Variants in ADAP1 observed in about 807,000 individuals in gnomAD.
ADAP1 encodes arf-GAP with dual PH domain-containing protein 1.
Under a neutral mutation model 54.9 loss-of-function variants are expected in ADAP1, and 31 were observed. That is an observed-to-expected ratio of 0.56 (90% CI 0.42 to 0.76). The LOEUF (loss-of-function observed/expected upper bound fraction) is 0.76. Ranked by LOEUF, ADAP1 falls within the 30% of genes least tolerant of loss-of-function variation. The probability of loss-of-function intolerance (pLI) is 0.00; values close to 1 mark genes in which losing one functional copy is unlikely to be tolerated. For missense variants in ADAP1, 535 were observed against 512.4 expected, an observed-to-expected ratio of 1.04 and a Z score of -0.42; for synonymous variants, 313 against 202.6, an observed-to-expected ratio of 1.55 and a Z score of -4.63.
chr7:921,603 C>T (rs959708361), intron 3 of ADAP1, among the ~76,000 whole-genome samples: 4 of 152,234 alleles, frequency 2.6e-5, no homozygotes, highest in Non-Finnish European at 2.9e-5. Context: ...GTGTGAGCCT[C>T]GCGTCCGGCC....
rs201121106 is a variant in ADAP1 at position 898,933 on chromosome 7, C to T, written c.1113G>A (p.Lys371=). Residue 371 remains lysine (K), a synonymous_variant, in exon 11 of 11, where the codon AAG becomes AAA. Coordinates refer to ENST00000265846, the MANE Select transcript of ADAP1 (RefSeq NM_006869.4). The part of the protein sequence containing the change: ...PQEYAVEAHF[K]HKP The stretch of plus-strand genomic sequence containing the variant: ...CCAGCCGCACTCGCTAAGGTTTATG[C>T]TTGAAGTGCGCCTCCACTGCAACGG... The T allele has an allele frequency of 1.9e-6, 3 of 1,608,936 alleles. No individual in the cohort carries two copies. The highest frequency in any genetic ancestry group is 2.5e-6 in the Non-Finnish European group (3 of 1,178,128).
intron 7 of ADAP1, 60 bp downstream of exon 7, chr7:900,473 T>TGCACC: frequency 1.3e-6 from 2 of 1,486,586 alleles, no homozygotes; most frequent in Non-Finnish European, 1.8e-6. Flanking sequence ...GAGGGCTCCG[T>TGCACC]CCACCCCCCA....
chr7:914,373 G>A (rs1583151060), intron 4 of ADAP1, among the ~76,000 whole-genome samples: 1 of 152,336 alleles, frequency 6.6e-6, no homozygotes, highest in African/African-American at 2.4e-5. Context: ...AAGGGCTCTG[G>A]TGGCAAAGCC....
intron 2 of ADAP1, chr7:927,238 G>T: frequency 2.4e-6 from 3 of 1,262,244 alleles, no homozygotes; most frequent in Non-Finnish European, 3.1e-6. Context: ...AGGAGGGGAG[G>T]TGCTGCAGGA....
At chr7:932,405 G>A (rs552558935) in intron 2 of ADAP1, among the ~76,000 whole-genome samples, 2 of 152,106 alleles carry the variant, frequency 1.3e-5, no homozygotes, top group Non-Finnish European at 2.9e-5. Flanking sequence ...CCCTTGCCCC[G>A]TTTGCCCTGG....
At chr7:923,705 C>T (rs891974768) in intron 3 of ADAP1, among the ~76,000 whole-genome samples, 10 of 152,156 alleles carry the variant, frequency 6.6e-5, no homozygotes, top group Non-Finnish European at 1.2e-4. Context: ...GCCGGGAGGC[C>T]GCAGGGCATG....
chr7:901,323 T>TGG (rs1392530274), intron 6 of ADAP1: 58 of 265,612 alleles, frequency 2.2e-4, no homozygotes, highest in South Asian at 1.6e-3. Context: ...CATTATAACC[T>TGG]GCGCCCTGGG....
At chr7:927,382 G>T in intron 2 of ADAP1, 1 of 605,416 alleles carries the variant, frequency 1.7e-6, no homozygotes. Flanking sequence ...TTGAGCAGCA[G>T]GAGGGGCCGC....
chr7:905,314 G>GGGAGAGGGGACATGGA (rs1554271671), intron 4 of ADAP1, 142 bp from the exon 5 acceptor site: 2 of 433,460 alleles, frequency 4.6e-6, no homozygotes, highest in South Asian at 2.1e-5. Context: ...GAGACGGACG[G>GGGAGAGGGGACATGGA]GGAGAGGGGA....
At chr7:900,880 C>T (rs1056575373) in intron 6 of ADAP1, 68 of 580,532 alleles carry the variant, frequency 1.2e-4, no homozygotes, top group South Asian at 3.4e-4. Context: ...GCCGAAGGGC[C>T]GAAGGGCCGG....
At position 899,040 on chromosome 7, in the gene ADAP1, C is replaced by G; in HGVS notation, c.1089G>C (p.Glu363Asp). 1 of 1,609,498 alleles carries G rather than the reference C, an allele frequency of 6.2e-7. No individual in the cohort carries two copies. Among genetic ancestry groups the G allele is most frequent in the Non-Finnish European group, 8.5e-7 (1 of 1,179,892 alleles). The change falls in exon 10 of 11, where the codon GAG becomes GAC. Residue 363 changes from glutamate (E) to aspartate (D), a missense_variant. Transcript: ENST00000265846. ...GCCGCCCGCCCCCCTCACCTGCGTA[C>G]TCCTGGGGCAGCATGGGCCTGTCCA... Reference protein sequence around the residue: ...KAVDRPMLPQEYAVEAHFKHK... With the variant: ...KAVDRPMLPQDYAVEAHFKHK...
At chr7:903,951 A>G in intron 6 of ADAP1, 175 bp downstream of exon 6, 3 of 794,946 alleles carry the variant, frequency 3.8e-6, no homozygotes, top group Admixed American at 3.1e-5. Flanking sequence ...CCACACTCCC[A>G]CACGTCCAAG....
chr7:919,369 C>T (rs1846067770), intron 4 of ADAP1, among the ~76,000 whole-genome samples: 1 of 152,110 alleles, frequency 6.6e-6, no homozygotes, highest in Non-Finnish European at 1.5e-5. Flanking sequence ...CCACGAGGTC[C>T]CCATGCACCC....
Position 900,088 on chromosome 7 carries a change from T to G in ADAP1, c.795+14A>C. 6.2e-7 allele frequency: 1 copy of G among 1,612,764 alleles called. No homozygotes were observed. The highest frequency in any genetic ancestry group is 1.3e-5 in the African/African-American group (1 of 74,994). ...ACCCCAGGCCACCCCAGGCCGCACG[T>G]GCGGCACACCCACCTTGGGCCCCGT... On this transcript the variant is annotated intron_variant, in intron 8 of 10. Transcript: ENST00000265846.
intron 2 of ADAP1, chr7:935,077 G>A (rs781384131): frequency 3.3e-5 from 18 of 545,070 alleles, no homozygotes; most frequent in Non-Finnish European, 5.4e-5. Flanking sequence ...GGATTTGAGG[G>A]GAGCACTCCG....
chr7:921,916 C>T (rs1271338328), intron 3 of ADAP1, among the ~76,000 whole-genome samples: 2 of 152,206 alleles, frequency 1.3e-5, no homozygotes, highest in African/African-American at 4.8e-5. Flanking sequence ...GTCGGCAGCC[C>T]TGCCCTGGTG....
intron 6 of ADAP1, 158 bp downstream of exon 6, chr7:903,968 C>T: frequency 2.1e-6 from 2 of 957,188 alleles, no homozygotes; most frequent in Non-Finnish European, 3.0e-6. Context: ...CAAGCACCCG[C>T]CTTCCCACGC....
chr7:920,096 G>T lies in ADAP1; in HGVS notation c.306-46C>A, dbSNP rs768156079. 3 of 1,561,928 alleles carry T rather than the reference G, an allele frequency of 1.9e-6. No individual in the cohort carries two copies. The highest frequency in any genetic ancestry group is 1.1e-5 in the South Asian group (1 of 89,222). The stretch of plus-strand genomic sequence containing the variant: ...GAGCCACTGGGCCAAGGCGGCCTCC[G>T]ACCCAGCACACGCCGCTCTCTGGCC... On this transcript the variant is annotated intron_variant, in intron 3 of 10. Coordinates refer to ENST00000265846, the MANE Select transcript of ADAP1 (RefSeq NM_006869.4). This position sits in a 1 kb window ranked among gnomAD's most constrained non-coding sequence, Gnocchi z 4.5.
At chr7:930,452 C>T (rs370345180) in intron 2 of ADAP1, among the ~76,000 whole-genome samples, 195 of 8,882 alleles carry the variant, frequency 0.022, 2 homozygotes, top group Middle Eastern at 0.083. Flanking sequence ...CCAAGGCGGG[C>T]GGATCACGAG....
Sources: allele counts gnomAD v4.1 joint callset (sites outside exome capture counted in the v4.1 genomes callset), GRCh38; gene constraint gnomAD v4.1.1; non-coding constraint Gnocchi (gnomAD v3.1); transcripts MANE v1.5; gene names NCBI Gene and HGNC (gene_info 2026-07-23, HGNC 2026-07-21).